PLB1: variants seen among roughly 807,000 people sequenced by gnomAD.
PLB1 encodes phospholipase B1, membrane-associated.
PLB1 carries 242 observed loss-of-function variants against 227.4 expected under a neutral mutation model. The observed-to-expected ratio is 1.06, with a 90% CI of 0.96 to 1.18. PLB1 has a LOEUF of 1.18. Ranked by LOEUF, PLB1 falls within the 50% of genes most tolerant of loss-of-function variation. PLB1 has a pLI of 0.00. For synonymous variants in PLB1, 757 were observed against 682.2 expected, an observed-to-expected ratio of 1.11 and a Z score of -1.71; for missense variants, 1,858 against 1,816.3, an observed-to-expected ratio of 1.02 and a Z score of -0.42.
intron 31 of PLB1, 92 bp from the exon 32 acceptor site, chr2:28,592,569 T>G: frequency 1.6e-5 from 20 of 1,247,456 alleles, no homozygotes; most frequent in Non-Finnish European, 2.0e-5. Flanking sequence ...CTCATGCAGA[T>G]TGTGTTTTGG....
At chr2:28,629,256 G>A (rs954870507) in intron 53 of PLB1, 71 bp downstream of exon 53, 3 of 1,417,826 alleles carry the variant, frequency 2.1e-6, no homozygotes, top group Non-Finnish European at 2.9e-6. Flanking sequence ...GCCAAAGGAG[G>A]AGACCAGTTG....
At chr2:28,640,874 GAA>G in intron 56 of PLB1, 51 bp from the exon 57 acceptor site, 2 of 1,554,094 alleles carry the variant, frequency 1.3e-6, no homozygotes, top group African/African-American at 2.7e-5. Flanking sequence ...CCTCAGAGAG[GAA>G]AGTGTCTCCC....
chr2:28,640,268 G>T (rs1161600383), intron 56 of PLB1, among the ~76,000 whole-genome samples: 3 of 152,212 alleles, frequency 2.0e-5, no homozygotes, highest in African/African-American at 7.2e-5. Flanking sequence ...GGGCCTGGCT[G>T]CTGGCTAAAA....
chr2:28,555,035 T>A (rs1228078704), intron 17 of PLB1, among the ~76,000 whole-genome samples: 1 of 151,922 alleles, frequency 6.6e-6, no homozygotes, highest in African/African-American at 2.4e-5. Context: ...CATAGATGAG[T>A]GTTGGGCCTG....
rs74701215 is a variant in PLB1, at chr2:28,632,105, C to G, written c.3967C>G (p.Pro1323Ala). Residue 1323 changes from proline to alanine, a missense_variant, in exon 55 of 58, where the codon CCT (proline) becomes GCT (alanine). Pro to Ala is a conservative substitution (Grantham distance 27, BLOSUM62 -1). Coordinates refer to ENST00000327757, the MANE Select transcript of PLB1 (RefSeq NM_153021.5). ...TGAGGACTTTGCGGTTGTGGTGCAGCCTTTCTTCCAAAACACACTCACCCC... is the reference window on the plus strand; with the variant it reads ...TGAGGACTTTGCGGTTGTGGTGCAGGCTTTCTTCCAAAACACACTCACCCC... The part of the protein sequence containing the change: ...QREDFAVVVQ[P>A]FFQNTLTPLN... The G allele has an allele frequency of 4.2e-5, 68 of 1,613,962 alleles. No homozygotes were observed. In the Admixed American group the frequency reaches 8.3e-4, roughly 20 times the overall value.
At chr2:28,625,149 C>T (rs1431767859) in intron 50 of PLB1, 41 bp downstream of exon 50, 3 of 1,575,842 alleles carry the variant, frequency 1.9e-6, no homozygotes, top group African/African-American at 1.3e-5. Context: ...AGGTGCCCAT[C>T]TCCTGCTGGC....
chr2:28,547,508 C>A (rs1673479938), intron 14 of PLB1, among the ~76,000 whole-genome samples: 1 of 152,178 alleles, frequency 6.6e-6, no homozygotes, highest in Admixed American at 6.5e-5. Context: ...GGGTAAAGTT[C>A]TTTTCTTGTT....
intron 5 of PLB1, 124 bp from the exon 6 acceptor site, chr2:28,525,781 A>G: frequency 7.6e-6 from 9 of 1,191,716 alleles, no homozygotes; most frequent in Non-Finnish European, 1.1e-5. Context: ...CTGGGAGGAT[A>G]ATCCCAGAAC....
chr2:28,518,592 C>A, intron 3 of PLB1, 60 bp downstream of exon 3: 1 of 1,305,996 alleles, frequency 7.7e-7, no homozygotes, highest in Non-Finnish European at 1.1e-6. Context: ...AAGTGGCCAG[C>A]AGAGGCTCTA....
At chr2:28,621,620 A>G (rs78387305) in intron 49 of PLB1, among the ~76,000 whole-genome samples, 1,773 of 152,266 alleles carry the variant, frequency 0.012, 34 homozygotes, top group African/African-American at 0.041. Context: ...TGCTGGGTGT[A>G]TGCCTTGTAG....
intron 15 of PLB1, among the ~76,000 whole-genome samples, chr2:28,549,731 A>G (rs1270086301): frequency 6.6e-6 from 1 of 152,196 alleles, no homozygotes; most frequent in Non-Finnish European, 1.5e-5. Context: ...GAAGCTTAAA[A>G]TTAGATTCCC....
Position 28,604,769 on chromosome 2 carries a change from C to CA in PLB1, c.2961+10_2961+11insA. 1 of 1,610,558 alleles carries CA rather than the reference C, an allele frequency of 6.2e-7. No homozygotes were observed. Among genetic ancestry groups the CA allele is most frequent in the Non-Finnish European group, 8.5e-7 (1 of 1,177,334 alleles). On this transcript the variant is annotated intron_variant, in intron 41 of 57. Transcript: ENST00000327757. The stretch of plus-strand genomic sequence containing the variant: ...GCTCCCTGTCCTGGCGGTATGTCCC[C>CA]TGCCCTCACCCATGGTACTCTTTTA...
At position 28,601,924 on chromosome 2, in the gene PLB1, T is replaced by C. The variant is rs1269411930; in HGVS notation, c.2633T>C (p.Val878Ala). 1.9e-6 allele frequency: 3 copies of C among 1,611,368 alleles called. No homozygotes were observed. In the South Asian group the frequency reaches 3.3e-5, roughly 18 times the overall value. Residue 878 changes from valine (V) to alanine (A), a missense_variant, in exon 38 of 58, where the codon GTT becomes GCT. Val to Ala is a moderately conservative substitution (Grantham distance 64). Transcript: ENST00000327757. ...AATCTGTATTCTGCAGCCAACTTTG[T>C]TCACCATCTCCGCAATGCCTTGGAC... is the stretch of plus-strand genomic sequence containing the variant. ...DSNLYSAANFVHHLRNALDVL... is the reference protein window; with the variant it reads ...DSNLYSAANFAHHLRNALDVL...
chr2:28,643,110 C>T lies in PLB1; in HGVS notation c.*49C>T. On this transcript the variant is annotated 3_prime_UTR_variant, in exon 58 of 58. Transcript: ENST00000327757. ...AAACTCCCTATAGCCACTCTCTTCACCGCCCTCTGCCCCAGCCACTCCCGG... is the reference window on the plus strand; with the variant it reads ...AAACTCCCTATAGCCACTCTCTTCATCGCCCTCTGCCCCAGCCACTCCCGG... 1 of 1,474,494 alleles carries T rather than the reference C, an allele frequency of 6.8e-7. No individual in the cohort carries two copies. The allele number at this position is 1,474,494 out of a possible 1,614,324, so 91.3% of individuals were successfully genotyped here.
chr2:28,546,138 A>G (rs1673228438), intron 14 of PLB1, among the ~76,000 whole-genome samples: 1 of 152,232 alleles, frequency 6.6e-6, no homozygotes, highest in Admixed American at 6.5e-5. Context: ...TGAGGCCTCC[A>G]GGCTGAAGCT....
chr2:28,574,221 G>A (rs1165051733), intron 21 of PLB1, among the ~76,000 whole-genome samples: 1 of 152,022 alleles, frequency 6.6e-6, no homozygotes, highest in Non-Finnish European at 1.5e-5. Flanking sequence ...ACTTTTTGGG[G>A]TACAGGTAGT....
At chr2:28,543,088 G>A in intron 13 of PLB1, 124 bp from the exon 14 acceptor site, 1 of 976,470 alleles carries the variant, frequency 1.0e-6, no homozygotes, top group Non-Finnish European at 1.5e-6. Context: ...GAGGGGCTGA[G>A]AGAAAAGGCC....
chr2:28,604,894 C>G, intron 41 of PLB1, 135 bp downstream of exon 41: 1 of 782,882 alleles, frequency 1.3e-6, no homozygotes. Flanking sequence ...CAGGTGCAGG[C>G]TCCCTGAACG....
intron 56 of PLB1, among the ~76,000 whole-genome samples, chr2:28,639,781 A>G (rs1441210052): frequency 6.6e-6 from 1 of 152,220 alleles, no homozygotes; most frequent in Non-Finnish European, 1.5e-5. Flanking sequence ...GAAAGTGGAA[A>G]TAATACTACC....
Sources: allele counts gnomAD v4.1 joint callset (sites outside exome capture counted in the v4.1 genomes callset), GRCh38; gene constraint gnomAD v4.1.1; transcripts MANE v1.5; gene names NCBI Gene and HGNC (gene_info 2026-07-23, HGNC 2026-07-21).